Variants in PIAS2 observed in about 807,000 individuals in gnomAD.
PIAS2 encodes the protein E3 SUMO-protein ligase PIAS2.
Under a neutral mutation model 69.7 loss-of-function variants are expected in PIAS2, and 19 were observed. The ratio of observed to expected loss-of-function variants is 0.27; its 90% confidence interval spans 0.19 to 0.40. PIAS2 has a LOEUF of 0.40. PIAS2 is among the 10% of genes least tolerant of loss of function. The probability of loss-of-function intolerance (pLI) is 1.00; values close to 1 mark genes in which losing one functional copy is unlikely to be tolerated. For missense variants in PIAS2, 624 were observed against 757.0 expected, an observed-to-expected ratio of 0.82 and a Z score of 2.06; for synonymous variants, 261 against 263.2, an observed-to-expected ratio of 0.99 and a Z score of 0.08.
chr18:46,902,308 G>A (rs1198251355), intron 1 of PIAS2, among the ~76,000 whole-genome samples: 2 of 151,386 alleles, frequency 1.3e-5, no homozygotes, highest in Non-Finnish European at 2.9e-5. Context: ...TGTAATCTCA[G>A]CACTTTGGGA....
intron 11 of PIAS2, among the ~76,000 whole-genome samples, chr18:46,825,527 C>A (rs530632625): frequency 6.6e-6 from 1 of 152,242 alleles, no homozygotes; most frequent in Admixed American, 6.5e-5. Context: ...CCTTAAGATC[C>A]ACTCATCCAT....
chr18:46,877,863 G>T (rs975361084), intron 2 of PIAS2, among the ~76,000 whole-genome samples: 10 of 152,094 alleles, frequency 6.6e-5, no homozygotes, highest in African/African-American at 2.2e-4. Flanking sequence ...CCGAGCTCTT[G>T]TTTCTAACAA....
chr18:46,894,513 C>T (rs2054550119), intron 1 of PIAS2, among the ~76,000 whole-genome samples: 1 of 152,168 alleles, frequency 6.6e-6, no homozygotes, highest in Non-Finnish European at 1.5e-5. Context: ...AGTCAGCCCA[C>T]TTCAGTTAAA....
intron 5 of PIAS2, 79 bp from the exon 6 acceptor site, chr18:46,846,920 C>T (rs2046242271): frequency 8.1e-7 from 1 of 1,241,982 alleles, no homozygotes; most frequent in Non-Finnish European, 1.1e-6. Flanking sequence ...GATACAGGAT[C>T]CTGCCCAATT....
intron 8 of PIAS2, among the ~76,000 whole-genome samples, chr18:46,843,231 A>T (rs2045682296): frequency 6.6e-6 from 1 of 152,244 alleles, no homozygotes; most frequent in African/African-American, 2.4e-5. Flanking sequence ...TAGAGACTCA[A>T]CAAATCATTC....
In PIAS2 at chr18:46,809,467, T is replaced by C. The variant is rs1355634365; in HGVS notation, c.*2966A>G. ...TAAGTGAAGAAAGATAAAAACATTT[T>C]ATTTTGGCCAGGCGCGGTGGCTCAC... On this transcript the variant is annotated 3_prime_UTR_variant, in exon 14 of 14. Coordinates refer to ENST00000585916, the MANE Select transcript of PIAS2 (RefSeq NM_004671.5). The C allele has an allele frequency of 6.6e-6, 1 of 152,154 alleles. No individual in the cohort carries two copies. Among genetic ancestry groups the C allele is most frequent in the Non-Finnish European group, 1.5e-5 (1 of 68,046 alleles). 9.4% of individuals were successfully genotyped at this position (152,154 alleles called of 1,614,324 possible).
chr18:46,901,498 T>C (rs1456736278), intron 1 of PIAS2, among the ~76,000 whole-genome samples: 9 of 152,150 alleles, frequency 5.9e-5, no homozygotes, highest in Non-Finnish European at 1.0e-4. Context: ...TTCAGCAATA[T>C]ATAAAAAGAA....
At chr18:46,860,012 T>C (rs1186264793) in intron 3 of PIAS2, among the ~76,000 whole-genome samples, 1 of 152,162 alleles carries the variant, frequency 6.6e-6, no homozygotes. Context: ...CAATGTTCAA[T>C]CTTCACAAGA....
At chr18:46,914,878 GACC>G (rs1231637652) in intron 1 of PIAS2, 4 of 152,064 alleles carry the variant, frequency 2.6e-5, no homozygotes, top group Non-Finnish European at 4.4e-5. Flanking sequence ...GCATCACTCT[GACC>G]ACCACAATAT....
Position 46,855,103 on chromosome 18 carries a change from T to TAAAAAAAA in PIAS2, c.726+234_726+241dup, listed in dbSNP as rs59957336. Among the ~76,000 whole-genome samples, 483 of 76,314 alleles carry TAAAAAAAA rather than the reference T, an allele frequency of 6.3e-3. 6 individuals are homozygous for TAAAAAAAA. Among genetic ancestry groups the TAAAAAAAA allele is most frequent in the Non-Finnish European group, 8.6e-3 (376 of 43,590 alleles). The allele number at this position is 76,314 out of a possible 152,430, so 50.1% of individuals were successfully genotyped here. On this transcript the variant is annotated intron_variant, in intron 5 of 13. Transcript: ENST00000585916. ...GGAACACAGTAGGACCTTGTCTCTT[T>TAAAAAAAA]AAAAAAAAAAAAAAAAAAAAAAAAA...
intron 6 of PIAS2, 136 bp downstream of exon 6, chr18:46,846,571 T>C: frequency 1.2e-6 from 1 of 854,812 alleles, no homozygotes; most frequent in South Asian, 2.8e-5. Flanking sequence ...CTGCCACCTC[T>C]AAACTGAAAA....
At chr18:46,813,181 C>T (rs1395343061) in intron 13 of PIAS2, among the ~76,000 whole-genome samples, 1 of 152,122 alleles carries the variant, frequency 6.6e-6, no homozygotes, top group Non-Finnish European at 1.5e-5. Context: ...ACACAGACTA[C>T]ACGGTAGCTA....
chr18:46,831,464 CCAG>C (rs1290769257), intron 9 of PIAS2, among the ~76,000 whole-genome samples: 3 of 152,076 alleles, frequency 2.0e-5, no homozygotes, highest in African/African-American at 4.8e-5. Context: ...AATCAAAATC[CCAG>C]CAGGTTTTTT....
intron 2 of PIAS2, among the ~76,000 whole-genome samples, chr18:46,888,690 G>T (rs1209435388): frequency 6.6e-6 from 1 of 152,134 alleles, no homozygotes; most frequent in Admixed American, 6.5e-5. Context: ...CTCGTAAGGA[G>T]CATGCAATCT....
At chr18:46,898,822 C>T (rs976373808) in intron 1 of PIAS2, among the ~76,000 whole-genome samples, 4 of 151,940 alleles carry the variant, frequency 2.6e-5, no homozygotes, top group African/African-American at 2.4e-5. Flanking sequence ...GGTGAAATCC[C>T]GTCTCTACTA....
At chr18:46,830,583 T>C (rs937042531) in intron 9 of PIAS2, among the ~76,000 whole-genome samples, 1 of 151,480 alleles carries the variant, frequency 6.6e-6, no homozygotes, top group African/African-American at 2.4e-5. Context: ...AAGCAAATTA[T>C]AGTAAAAGCA....
intron 5 of PIAS2, among the ~76,000 whole-genome samples, chr18:46,849,281 T>C (rs2046616007): frequency 6.6e-6 from 1 of 152,210 alleles, no homozygotes; most frequent in African/African-American, 2.4e-5. Flanking sequence ...GTAGTGTGAC[T>C]TTACTGGTAA....
intron 5 of PIAS2, 102 bp from the exon 6 acceptor site, chr18:46,846,943 TTTTTA>T: frequency 9.8e-7 from 1 of 1,020,068 alleles, no homozygotes; most frequent in Non-Finnish European, 1.3e-6. Flanking sequence ...AGTTACACTA[TTTTTA>T]TTTTAGCCTA....
intron 2 of PIAS2, 39 bp downstream of exon 2, chr18:46,890,541 C>G: frequency 8.0e-7 from 1 of 1,242,470 alleles, no homozygotes; most frequent in Non-Finnish European, 1.2e-6. Flanking sequence ...ATTTCATTTA[C>G]TATCTTGTTC....
Sources: allele counts gnomAD v4.1 joint callset (sites outside exome capture counted in the v4.1 genomes callset), GRCh38; gene constraint gnomAD v4.1.1; transcripts MANE v1.5; gene names NCBI Gene and HGNC (gene_info 2026-07-23, HGNC 2026-07-21).